The following SEMA6A variants were observed in gnomAD, a reference collection of about 807,000 sequenced individuals.
SEMA6A encodes semaphorin-6A.
A neutral mutation model predicts 96.8 loss-of-function variants in SEMA6A; 25 were observed. The ratio of observed to expected loss-of-function variants is 0.26; its 90% CI spans 0.19 to 0.36. The LOEUF is 0.36. SEMA6A is among the 10% of genes least tolerant of loss of function. The pLI, the probability that SEMA6A is intolerant of heterozygous loss-of-function variation, is 1.00. For missense variants in SEMA6A, 1,363 were observed against 1,323.1 expected (o/e 1.03, Z -0.47); for synonymous variants, 612 against 518.0 (o/e 1.18, Z -2.46).
intron 1 of SEMA6A, among the ~76,000 whole-genome samples, chr5:116,536,669 A>C (rs936741243): frequency 6.6e-6 from 1 of 152,144 alleles, no homozygotes; most frequent in Non-Finnish European, 1.5e-5. Context: ...GACCAAGAAG[A>C]AAGGCCCCCG....
Position 116,447,649 on chromosome 5 carries a change from C to A in SEMA6A, c.2057G>T (p.Arg686Leu), listed in dbSNP as rs775800637. 2 of 1,614,028 alleles carry A rather than the reference C, an allele frequency of 1.2e-6. No individual in the cohort carries two copies. Among genetic ancestry groups the A allele is most frequent in the Non-Finnish European group, 1.7e-6 (2 of 1,179,896 alleles). ...CGAGTGGGTGAGCTCCTTCTCCTTG[C>A]GCTGCACCACAGCCACGTCTTTGCG... ...HRRKDVAVVQRKEKELTHSRR... is the reference protein window; with the variant it reads ...HRRKDVAVVQLKEKELTHSRR... The change falls in exon 19 of 19, where the codon CGC becomes CTC. Residue 686 changes from arginine (R) to leucine (L), a missense_variant. By Grantham distance (102) the Arg-to-Leu change is moderately radical. Transcript: ENST00000343348.
At chr5:116,533,915 C>T (rs1759598742) in intron 1 of SEMA6A, among the ~76,000 whole-genome samples, 1 of 152,256 alleles carries the variant, frequency 6.6e-6, no homozygotes, top group South Asian at 2.1e-4. Context: ...CACAAGGCAG[C>T]CATCTCTATG....
At chr5:116,469,361 CA>C (rs1301713656) in intron 17 of SEMA6A, 1 of 152,106 alleles carries the variant, frequency 6.6e-6, no homozygotes, top group African/African-American at 2.4e-5. Flanking sequence ...GATAAGAGAA[CA>C]GGGGAAGGAA....
chr5:116,521,914 C>T (rs1335177658), intron 1 of SEMA6A, among the ~76,000 whole-genome samples: 2 of 152,196 alleles, frequency 1.3e-5, no homozygotes, highest in African/African-American at 2.4e-5. Context: ...GTAAAATCCT[C>T]ATTAGAAATG....
chr5:116,464,308 G>C (rs1181776205), intron 18 of SEMA6A, among the ~76,000 whole-genome samples: 2 of 152,156 alleles, frequency 1.3e-5, no homozygotes, highest in East Asian at 1.9e-4. Flanking sequence ...GACATCTAGA[G>C]AACCAGAGAT....
chr5:116,562,657 C>T (rs1424818922), intron 1 of SEMA6A: 8 of 704,520 alleles, frequency 1.1e-5, no homozygotes, highest in South Asian at 6.8e-5. Flanking sequence ...TCCGCCATAT[C>T]GTTGCACCCT....
At chr5:116,560,625 A>AG (rs1760786535) in intron 1 of SEMA6A, among the ~76,000 whole-genome samples, 1 of 152,062 alleles carries the variant, frequency 6.6e-6, no homozygotes, top group Admixed American at 6.6e-5. Context: ...CAGAGTATCT[A>AG]ATTCAACCTT....
chr5:116,455,692 C>T (rs1344282008), intron 18 of SEMA6A, among the ~76,000 whole-genome samples: 2 of 152,166 alleles, frequency 1.3e-5, no homozygotes, highest in African/African-American at 2.4e-5. Flanking sequence ...AGAAACAGGT[C>T]TGTTTCAATA....
intron 17 of SEMA6A, 65 bp downstream of exon 17, chr5:116,473,008 A>G (rs1203913072): frequency 2.6e-6 from 4 of 1,543,706 alleles, no homozygotes; most frequent in Admixed American, 2.0e-5. Context: ...AAGAGGATTA[A>G]TGAAATAGAC....
chr5:116,465,638 C>T (rs534737569), intron 18 of SEMA6A, among the ~76,000 whole-genome samples: 2 of 152,222 alleles, frequency 1.3e-5, no homozygotes, highest in East Asian at 1.9e-4. Flanking sequence ...TGAACAATGC[C>T]GAATTTTAAA....
intron 1 of SEMA6A, among the ~76,000 whole-genome samples, chr5:116,536,613 C>G (rs1384373459): frequency 6.6e-6 from 1 of 151,970 alleles, no homozygotes; most frequent in African/African-American, 2.4e-5. Context: ...AGGCAAACAA[C>G]AAAAAACAAC....
chr5:116,489,516 C>G (rs985369700), intron 7 of SEMA6A, among the ~76,000 whole-genome samples: 1 of 152,208 alleles, frequency 6.6e-6, no homozygotes, highest in African/African-American at 2.4e-5. Flanking sequence ...AACGGGCTGA[C>G]TAAATTGCTA....
Position 116,446,868 on chromosome 5 carries a change from G to GT in SEMA6A, c.2837dup (p.His946GlnfsTer82). 3.1e-6 allele frequency: 5 copies of GT among 1,613,996 alleles called. No individual in the cohort carries two copies. The highest frequency in any genetic ancestry group is 4.2e-6 in the Non-Finnish European group (5 of 1,179,892). The stretch of plus-strand genomic sequence containing the variant: ...TGCCAAAGCTCTGGTTTCTGGAGAG[G>GT]TGAGAGGAATTGGAGGAGTTAGTGT... On this transcript the variant is annotated frameshift_variant, in exon 19 of 19. Coordinates refer to ENST00000343348, the MANE Select transcript of SEMA6A (RefSeq NM_020796.5). LOFTEE classifies it high-confidence loss of function.
At chr5:116,557,793 A>G (rs1760663946) in intron 1 of SEMA6A, among the ~76,000 whole-genome samples, 1 of 152,198 alleles carries the variant, frequency 6.6e-6, no homozygotes, top group African/African-American at 2.4e-5. Flanking sequence ...TGCTGACTAG[A>G]TGGTAGCATT....
chr5:116,560,797 G>GA (rs554628972), intron 1 of SEMA6A, among the ~76,000 whole-genome samples: 361 of 152,144 alleles, frequency 2.4e-3, no homozygotes, highest in African/African-American at 8.3e-3. Context: ...GACACTCTAA[G>GA]AACCTCCAGA....
intron 18 of SEMA6A, among the ~76,000 whole-genome samples, chr5:116,460,874 C>T (rs539815221): frequency 6.3e-4 from 96 of 151,682 alleles, no homozygotes; most frequent in Middle Eastern, 3.4e-3. Context: ...CAACCTCCAC[C>T]TCCCTGGTTC....
At chr5:116,496,611 C>T (rs545450496) in intron 4 of SEMA6A, among the ~76,000 whole-genome samples, 57 of 152,234 alleles carry the variant, frequency 3.7e-4, no homozygotes, top group African/African-American at 1.3e-3. Flanking sequence ...ATAAACTATC[C>T]AAATTAATTT....
At chr5:116,484,634 AATAATAAT>A (rs777458979) in intron 10 of SEMA6A, among the ~76,000 whole-genome samples, 1 of 128,054 alleles carries the variant, frequency 7.8e-6, no homozygotes, top group Non-Finnish European at 1.7e-5. Context: ...GGAAAAAAAA[AATAATAAT>A]AATAATAACA....
At position 116,446,406 on chromosome 5, in the gene SEMA6A, A is replaced by G. The variant is rs1345213680; in HGVS notation, c.*207T>C. 4.3e-6 allele frequency: 2 copies of G among 469,930 alleles called. No homozygotes were observed. Among genetic ancestry groups the G allele is most frequent in the Non-Finnish European group, 3.7e-6 (1 of 269,064 alleles). 29.1% of individuals were successfully genotyped at this position (469,930 alleles called of 1,614,324 possible). ...AAAGTGAAGGAAGAGAATGAAGGTG[A>G]GTCCCCGCCGTTGCAAACCTTCACC... On this transcript the variant is annotated 3_prime_UTR_variant, in exon 19 of 19. Transcript: ENST00000343348.
Sources: gnomAD v4.1 joint callset for allele counts (sites outside exome capture counted in the v4.1 genomes callset) on GRCh38, gnomAD v4.1.1 for gene constraint, MANE v1.5 for transcripts, NCBI Gene and HGNC (gene_info 2026-07-23, HGNC 2026-07-21) for gene names.